SCN1A: variants seen among roughly 807,000 people sequenced by gnomAD.
SCN1A encodes the protein sodium channel protein type 1 subunit alpha.
In SCN1A, 13 loss-of-function variants were observed where a neutral mutation model predicts 193.7. The observed-to-expected ratio is 0.07, with a 90% confidence interval of 0.04 to 0.11. The LOEUF is 0.11. Ranked by LOEUF, SCN1A falls within the 10% of genes least tolerant of loss-of-function variation. The pLI, the probability that SCN1A is intolerant of heterozygous loss-of-function variation, is 1.00. For missense variants in SCN1A, 1,432 were observed against 2,451.1 expected (o/e 0.58, Z 8.78); for synonymous variants, 781 against 843.6 (o/e 0.93, Z 1.29).
intron 17 of SCN1A, 50 bp downstream of exon 17, chr2:166,039,373 T>C (rs375484388): frequency 6.3e-6 from 10 of 1,584,354 alleles, no homozygotes; most frequent in Admixed American, 1.7e-5. Flanking sequence ...GCAAGAACCC[T>C]GATTGTTAGA....
chr2:166,043,799 T>G lies in SCN1A; in HGVS notation c.1913A>C (p.Asn638Thr), dbSNP rs1305581657. 6.2e-7 allele frequency: 1 copy of G among 1,614,192 alleles called. No individual in the cohort carries two copies. Among genetic ancestry groups the G allele is most frequent in the South Asian group, 1.1e-5 (1 of 91,082 alleles). The change falls in exon 14 of 29, where the codon AAT becomes ACT. Residue 638 changes from asparagine to threonine, a missense_variant. This residue lies in a region of SCN1A where 316 missense variants were observed against 362.1 expected (regional missense o/e 0.87). Transcript: ENST00000674923. ...SSRMLAVFPANGKMHSTVDCN... is the reference protein window; with the variant it reads ...SSRMLAVFPATGKMHSTVDCN... ...ATCCACAGTGCTGTGCATCTTCCCA[T>G]TCGCTGGAAACACTGCCAGCATCCG...
chr2:166,009,930 T>C lies in SCN1A; in HGVS notation c.3880-89A>G. The stretch of plus-strand genomic sequence containing the variant: ...TAATACAACAAGTATAATTTTTGCT[T>C]ATAATTATTCAGAGGATAAATGTTC... On this transcript the variant is annotated intron_variant, in intron 22 of 28. Transcript: ENST00000674923. The C allele has an allele frequency of 1.6e-6, 2 of 1,281,174 alleles. 1 individual carries two copies. The highest frequency in any genetic ancestry group is 3.5e-5 in the Admixed American group (2 of 57,706). The allele number at this position is 1,281,174 out of a possible 1,614,324, so 79.4% of individuals were successfully genotyped here.
At chr2:166,017,106 G>C (rs958302965) in intron 19 of SCN1A, among the ~76,000 whole-genome samples, 1 of 150,978 alleles carries the variant, frequency 6.6e-6, no homozygotes, top group Non-Finnish European at 1.5e-5. Context: ...ATGTAGCTCT[G>C]TCATAGCTCT....
intron 2 of SCN1A, among the ~76,000 whole-genome samples, chr2:166,089,591 G>C (rs1181486544): frequency 1.3e-5 from 2 of 152,008 alleles, no homozygotes; most frequent in Admixed American, 1.3e-4. Flanking sequence ...GATGGGGCTG[G>C]CTGGGACCTG....
chr2:166,110,989 C>T (rs954598958), intron 2 of SCN1A, among the ~76,000 whole-genome samples: 1 of 152,096 alleles, frequency 6.6e-6, no homozygotes, highest in Admixed American at 6.6e-5. Context: ...GCCTCCCTAG[C>T]CATGTGGAAC....
intron 22 of SCN1A, among the ~76,000 whole-genome samples, chr2:166,010,863 A>C (rs923230208): frequency 2.0e-5 from 3 of 151,136 alleles, no homozygotes; most frequent in African/African-American, 7.3e-5. Flanking sequence ...CAAACTACAA[A>C]ATTTTCTATA....
At position 166,056,494 on chromosome 2, in the gene SCN1A, G is replaced by A; in HGVS notation, c.390C>T (p.Phe130=). ...IAIKILVHSL[F]SMLIMCTILT... is the part of the protein sequence containing the mutation. Reference sequence around the variant, plus strand: ...AAATAGTGCACATAATTAGCATGCTGAATAATGTAGGTTATTGTTAAGGAA... The same window carrying A: ...AAATAGTGCACATAATTAGCATGCTAAATAATGTAGGTTATTGTTAAGGAA... Residue 130 remains phenylalanine (F), a synonymous_variant, in exon 6 of 29, where the codon TTC becomes TTT. Transcript: ENST00000674923. 1 of 1,584,238 alleles carries A rather than the reference G, an allele frequency of 6.3e-7. No homozygotes were observed. The highest frequency in any genetic ancestry group is 8.7e-7 in the Non-Finnish European group (1 of 1,153,064).
At chr2:166,132,718 G>A (rs1158879105), upstream of SCN1A, among the ~76,000 whole-genome samples, 3 of 152,006 alleles carry the variant, frequency 2.0e-5, no homozygotes, top group Non-Finnish European at 4.4e-5. Context: ...TATCTTATAG[G>A]TACTAAAGTG....
At chr2:166,011,344 C>T (rs1692417801) in intron 22 of SCN1A, among the ~76,000 whole-genome samples, 1 of 150,924 alleles carries the variant, frequency 6.6e-6, no homozygotes, top group South Asian at 2.1e-4. Context: ...GAAATTTTGC[C>T]AAGTTGATAA....
At chr2:166,073,279 G>T in intron 4 of SCN1A, 79 bp downstream of exon 4, 2 of 1,524,866 alleles carry the variant, frequency 1.3e-6, no homozygotes, top group South Asian at 1.2e-5. Flanking sequence ...GTGCTAATTT[G>T]GCATGTGTTG....
intron 2 of SCN1A, among the ~76,000 whole-genome samples, chr2:166,103,199 C>G (rs1198735854): frequency 6.6e-6 from 1 of 151,932 alleles, no homozygotes; most frequent in Non-Finnish European, 1.5e-5. Flanking sequence ...GCCTGTAATC[C>G]CAGCACTTTG....
Position 165,998,787 on chromosome 2 carries a change from C to T in SCN1A, c.4339-612G>A, listed in dbSNP as rs116796743. Among the ~76,000 whole-genome samples the T allele has an allele frequency of 7.3e-3, 1,108 of 151,266 alleles. 13 individuals carry two copies. Among genetic ancestry groups the T allele is most frequent in the African/African-American group, 0.024 (990 of 41,436 alleles). On this transcript the variant is annotated intron_variant, in intron 25 of 28. Coordinates refer to ENST00000674923, the MANE Select transcript of SCN1A (RefSeq NM_001165963.4). ...TATAGTTTTTTAACAGATTCATGTC[C>T]TTCTAAAAGCAACAAAGTTAAAAAC...
At chr2:166,040,111 G>A (rs1334340919) in intron 16 of SCN1A, among the ~76,000 whole-genome samples, 2 of 151,788 alleles carry the variant, frequency 1.3e-5, no homozygotes, top group East Asian at 3.9e-4. Context: ...GTAGAGACGG[G>A]GTTTCACCAT....
rs777256667 is a variant in SCN1A at position 166,041,359 on chromosome 2, G to C, written c.2287C>G (p.Leu763Val). 6.2e-7 allele frequency: 1 copy of C among 1,613,414 alleles called. No individual in the cohort carries two copies. The change falls in exon 16 of 29, where the codon CTG becomes GTG. Residue 763 changes from leucine (L) to valine (V), a missense_variant. By Grantham distance (32) the Leu-to-Val change is conservative. Around this residue, in one of 18 missense-constraint regions of SCN1A, gnomAD observed 316 missense variants for 362.1 expected, o/e 0.87. Coordinates refer to ENST00000674923, the MANE Select transcript of SCN1A (RefSeq NM_001165963.4). ...TCAACAAATGGGTCCATCACAACCA[G>C]GTTGACAACATGTTTCACTTTTAAC... ...YWLKVKHVVN[L>V]VVMDPFVDLA...
intron 25 of SCN1A, 104 bp from the exon 26 acceptor site, chr2:165,998,279 G>C: frequency 1.0e-6 from 1 of 961,022 alleles, no homozygotes; most frequent in Non-Finnish European, 1.5e-6. Context: ...TTACTAATAT[G>C]TCAGCATTTT....
upstream of SCN1A, among the ~76,000 whole-genome samples, chr2:166,129,387 C>G (rs2106283645): frequency 6.6e-6 from 1 of 152,248 alleles, no homozygotes; most frequent in Admixed American, 6.5e-5. Flanking sequence ...TAATTATGGA[C>G]CAATGGGTCC....
intron 27 of SCN1A, among the ~76,000 whole-genome samples, 167 bp downstream of exon 27, chr2:165,995,846 T>G (rs958844234): frequency 2.0e-5 from 3 of 151,738 alleles, no homozygotes; most frequent in Admixed American, 6.6e-5. Flanking sequence ...TTTAATTTTT[T>G]TTGTTGTTAC....
chr2:166,006,738 GA>G (rs1691715145), intron 23 of SCN1A, among the ~76,000 whole-genome samples: 1 of 151,230 alleles, frequency 6.6e-6, no homozygotes, highest in Admixed American at 6.6e-5. Context: ...CCAGTCTTAT[GA>G]AACCTGAAAT....
At chr2:166,076,497 C>T (rs940221737) in intron 3 of SCN1A, among the ~76,000 whole-genome samples, 1 of 150,684 alleles carries the variant, frequency 6.6e-6, no homozygotes, top group Non-Finnish European at 1.5e-5. Context: ...AATTTAATTT[C>T]TGTCAAAATC....
Sources: gnomAD v4.1 joint callset for allele counts (sites outside exome capture counted in the v4.1 genomes callset) on GRCh38, gnomAD v4.1.1 for gene constraint, gnomAD v4.1.1 regional missense constraint, MANE v1.5 for transcripts, NCBI Gene and HGNC (gene_info 2026-07-23, HGNC 2026-07-21) for gene names.